Variants in STAM observed in about 807,000 individuals in gnomAD.
STAM encodes signal transducing adapter molecule 1.
In STAM, 16 loss-of-function variants were observed where a neutral mutation model predicts 63.4. The ratio of observed to expected loss-of-function variants is 0.25; its 90% CI spans 0.17 to 0.38. The LOEUF is 0.38. Among genes scored for constraint, STAM ranks in the 10% least tolerant of loss-of-function variants. STAM has a pLI of 1.00. For synonymous variants in STAM, 238 were observed against 223.9 expected (o/e 1.06, Z -0.56); for missense variants, 636 against 657.1 (o/e 0.97, Z 0.35).
At chr10:17,707,152 G>A (rs1401129835) in intron 12 of STAM, among the ~76,000 whole-genome samples, 1 of 152,098 alleles carries the variant, frequency 6.6e-6, no homozygotes, top group Non-Finnish European at 1.5e-5. Context: ...GCTCATACCT[G>A]TAATCCCAGC....
intron 7 of STAM, 30 bp from the exon 8 acceptor site, chr10:17,696,745 T>G: frequency 6.9e-7 from 1 of 1,443,276 alleles, no homozygotes; most frequent in South Asian, 1.1e-5. Context: ...ACATTTGTTA[T>G]GGTAAAGCAT....
At chr10:17,700,511 A>G (rs1373052343) in intron 9 of STAM, among the ~76,000 whole-genome samples, 1 of 152,046 alleles carries the variant, frequency 6.6e-6, no homozygotes, top group African/African-American at 2.4e-5. Flanking sequence ...TATTCTGTAG[A>G]GTGGCCTTAC....
chr10:17,702,157 T>G (rs1836026841), intron 9 of STAM, among the ~76,000 whole-genome samples: 1 of 152,150 alleles, frequency 6.6e-6, no homozygotes, highest in African/African-American at 2.4e-5. Context: ...TTTCAAAACT[T>G]GAAATATAGT....
chr10:17,659,472 T>G (rs1369505932), intron 1 of STAM, among the ~76,000 whole-genome samples: 4 of 147,666 alleles, frequency 2.7e-5, no homozygotes. Flanking sequence ...TCTTTTTTTT[T>G]TTTTTTTTTT....
At position 17,644,191 on chromosome 10, in the gene STAM, G is replaced by C. The variant is rs1833423037; in HGVS notation, c.-149G>C. On this transcript the variant is annotated 5_prime_UTR_variant, in exon 1 of 14. Coordinates refer to ENST00000377524, the MANE Select transcript of STAM (RefSeq NM_003473.4). Reference sequence around the variant, plus strand: ...CGCCGCAGCTGCTGCCGCGGTTGGTGGGGTTGGGTGAGAGGAGGAGCTGTC... The same window carrying C: ...CGCCGCAGCTGCTGCCGCGGTTGGTCGGGTTGGGTGAGAGGAGGAGCTGTC... The C allele has an allele frequency of 2.6e-6, 2 of 780,832 alleles. No homozygotes were observed. Among genetic ancestry groups the C allele is most frequent in the Non-Finnish European group, 4.2e-6 (2 of 471,768 alleles). The allele number at this position is 780,832 out of a possible 1,614,324, so 48.4% of individuals were successfully genotyped here.
chr10:17,658,504 G>T (rs1554822445), intron 1 of STAM, among the ~76,000 whole-genome samples: 1 of 151,564 alleles, frequency 6.6e-6, no homozygotes. Context: ...CTGATTTTCT[G>T]CCTACCTGAC....
At chr10:17,646,605 T>C (rs1833530270) in intron 1 of STAM, among the ~76,000 whole-genome samples, 1 of 152,218 alleles carries the variant, frequency 6.6e-6, no homozygotes, top group Non-Finnish European at 1.5e-5. Context: ...TGTAGCAACA[T>C]TGTTTTGCTC....
At chr10:17,697,192 G>A (rs1589096067) in intron 8 of STAM, among the ~76,000 whole-genome samples, 1 of 152,366 alleles carries the variant, frequency 6.6e-6, no homozygotes, top group Non-Finnish European at 1.5e-5. Flanking sequence ...GTCTCCCAAA[G>A]TGGTGGGATT....
chr10:17,690,846 C>T (rs1835499834), intron 5 of STAM, among the ~76,000 whole-genome samples: 1 of 152,174 alleles, frequency 6.6e-6, no homozygotes, highest in South Asian at 2.1e-4. Flanking sequence ...AGCACCGCTA[C>T]CGTAGTTGGC....
At chr10:17,675,946 G>A (rs1161899532) in intron 2 of STAM, among the ~76,000 whole-genome samples, 4 of 151,996 alleles carry the variant, frequency 2.6e-5, no homozygotes, top group African/African-American at 9.7e-5. Flanking sequence ...CAGATTATCT[G>A]AGTACTTCCA....
Position 17,688,162 on chromosome 10 carries a change from A to T in STAM, c.433A>T (p.Ile145Phe). The T allele has an allele frequency of 6.4e-7, 1 of 1,563,874 alleles. No homozygotes were observed. The highest frequency in any genetic ancestry group is 8.7e-7 in the Non-Finnish European group (1 of 1,155,532). Residue 145 changes from isoleucine (I) to phenylalanine (F), a missense_variant, in exon 5 of 14, where the codon ATT becomes TTT. Ile to Phe is a conservative substitution (Grantham distance 21, BLOSUM62 0). Transcript: ENST00000377524. ...LKEQGVTFPA[I>F]GSQAAEQAKA... Reference sequence around the variant, plus strand: ...GGAACAAGGAGTTACGTTCCCAGCTATTGGCTCTCAGGTATTTTGGGAATG... The same window carrying T: ...GGAACAAGGAGTTACGTTCCCAGCTTTTGGCTCTCAGGTATTTTGGGAATG...
Position 17,693,072 on chromosome 10 carries a change from C to T in STAM, c.445-150C>T, listed in dbSNP as rs376937466. 18 of 619,830 alleles carry T rather than the reference C, an allele frequency of 2.9e-5. No individual in the cohort carries two copies. The African/African-American group carries it at 3.1e-4, about 11-fold the overall frequency. 38.4% of individuals were successfully genotyped at this position (619,830 alleles called of 1,614,324 possible). ...TCCAATTCTGATTCATTTCCCTCTC[C>T]CTTTTAAGGTGGAAGCTGCTGCAGT... On this transcript the variant is annotated intron_variant, in intron 5 of 13. Coordinates refer to ENST00000377524, the MANE Select transcript of STAM (RefSeq NM_003473.4).
intron 1 of STAM, among the ~76,000 whole-genome samples, chr10:17,652,110 A>C (rs1195907748): frequency 6.6e-6 from 1 of 152,210 alleles, no homozygotes; most frequent in Non-Finnish European, 1.5e-5. Context: ...GAAGCTTTGA[A>C]TTCTTTAGAA....
chr10:17,661,103 A>C (rs1194714705), intron 2 of STAM, among the ~76,000 whole-genome samples: 1 of 152,202 alleles, frequency 6.6e-6, no homozygotes, highest in Non-Finnish European at 1.5e-5. Context: ...TTCTGTTGAA[A>C]GATTAGGGGA....
intron 7 of STAM, 169 bp from the exon 8 acceptor site, chr10:17,696,606 T>C: frequency 1.8e-6 from 1 of 558,968 alleles, no homozygotes; most frequent in Non-Finnish European, 3.2e-6. Flanking sequence ...TTCTTACCTT[T>C]TCTGAGGCTT....
At chr10:17,711,800 C>G (rs1836567647) in intron 13 of STAM, among the ~76,000 whole-genome samples, 1 of 152,134 alleles carries the variant, frequency 6.6e-6, no homozygotes, top group South Asian at 2.1e-4. Flanking sequence ...AATGCTTGTT[C>G]TAGATACCAT....
chr10:17,714,785 C>G lies in STAM; in HGVS notation c.*5C>G, dbSNP rs782037904. 1 of 1,612,944 alleles carries G rather than the reference C, an allele frequency of 6.2e-7. No homozygotes were observed. The highest frequency in any genetic ancestry group is 8.5e-7 in the Non-Finnish European group (1 of 1,178,978). ...TCTCAGAAGGCTCTGCTATAGGACC[C>G]GGTGTTCCTCTTGGTGGCAGATACC... On this transcript the variant is annotated 3_prime_UTR_variant, in exon 14 of 14. Coordinates refer to ENST00000377524, the MANE Select transcript of STAM (RefSeq NM_003473.4).
chr10:17,661,222 A>G (rs2131583803), intron 2 of STAM, among the ~76,000 whole-genome samples: 1 of 152,334 alleles, frequency 6.6e-6, no homozygotes, highest in Non-Finnish European at 1.5e-5. Context: ...GGCTAACAGC[A>G]TTAGCCTTTA....
At chr10:17,714,494 G>A (rs1554830458) in intron 13 of STAM, 49 bp from the exon 14 acceptor site, 1 of 1,517,302 alleles carries the variant, frequency 6.6e-7, no homozygotes, top group Non-Finnish European at 9.2e-7. Flanking sequence ...ATCTGTAGTT[G>A]CTCTATAAAT....
Sources: gnomAD v4.1 joint callset for allele counts (sites outside exome capture counted in the v4.1 genomes callset) on GRCh38, gnomAD v4.1.1 for gene constraint, MANE v1.5 for transcripts, NCBI Gene and HGNC (gene_info 2026-07-23, HGNC 2026-07-21) for gene names.